The following CNTFR variants were observed in gnomAD, a reference collection of about 807,000 sequenced individuals.
CNTFR encodes the protein ciliary neurotrophic factor receptor subunit alpha.
A neutral mutation model predicts 40.4 loss-of-function variants in CNTFR; 12 were observed. That is an observed-to-expected ratio of 0.30 (90% CI 0.19 to 0.48). The LOEUF (loss-of-function observed/expected upper bound fraction) is 0.48, where lower values mean the gene tolerates loss of function less well. Ranked by LOEUF, CNTFR falls within the 20% of genes least tolerant of loss-of-function variation. The pLI, the probability that CNTFR is intolerant of heterozygous loss-of-function variation, is 0.99. For missense variants in CNTFR, 414 were observed against 506.8 expected, an observed-to-expected ratio of 0.82 and a Z score of 1.76; for synonymous variants, 202 against 209.6, an observed-to-expected ratio of 0.96 and a Z score of 0.31.
chr9:34,588,782 G>A (rs1827652689), intron 1 of CNTFR, among the ~76,000 whole-genome samples: 1 of 152,176 alleles, frequency 6.6e-6, no homozygotes, highest in African/African-American at 2.4e-5. Context: ...AGGGAGAGCT[G>A]TCCGTCTGGT....
intron 1 of CNTFR, among the ~76,000 whole-genome samples, chr9:34,587,421 CTGAG>C (rs1410904390): frequency 6.6e-6 from 1 of 152,086 alleles, no homozygotes; most frequent in African/African-American, 2.4e-5. Flanking sequence ...CAATATGAAT[CTGAG>C]TGAGTCACAG....
At position 34,551,691 on chromosome 9, in the gene CNTFR, G is replaced by A. The variant is rs1564054254; in HGVS notation, c.*380C>T. On this transcript the variant is annotated 3_prime_UTR_variant, in exon 10 of 10. Coordinates refer to ENST00000378980, the MANE Select transcript of CNTFR (RefSeq NM_147164.3). ...CATCAGGAGCTTATAATCTGATGGT[G>A]GCAACAGAGACCCTGGGATAGACAG... The A allele has an allele frequency of 3.2e-5, 13 of 412,464 alleles. No homozygotes were observed. Among genetic ancestry groups the A allele is most frequent in the Non-Finnish European group, 2.7e-5 (6 of 222,464 alleles). 25.6% of individuals were successfully genotyped at this position (412,464 alleles called of 1,614,324 possible). A position where few individuals can be genotyped will look rare whatever the true frequency, so the allele number is the denominator to read the frequency against.
intron 4 of CNTFR, 127 bp downstream of exon 4, chr9:34,564,472 G>C: frequency 1.1e-6 from 1 of 902,030 alleles, no homozygotes; most frequent in Non-Finnish European, 1.7e-6. Flanking sequence ...CAAAATCAGA[G>C]GGCAAGGGTC....
chr9:34,571,561 T>TACAC (rs145378339), intron 2 of CNTFR: 3,138 of 148,568 alleles, frequency 0.021, 44 homozygotes, highest in African/African-American at 0.034. Context: ...CGCGTGCGCA[T>TACAC]ACACACACAC....
At chr9:34,590,548 C>A (rs1827734077), upstream of CNTFR, among the ~76,000 whole-genome samples, 1 of 152,370 alleles carries the variant, frequency 6.6e-6, no homozygotes, top group Admixed American at 6.5e-5. Flanking sequence ...CTGCCGGGAG[C>A]CCAGGCCCAT....
At chr9:34,580,649 T>C (rs973780465) in intron 2 of CNTFR, among the ~76,000 whole-genome samples, 1 of 152,160 alleles carries the variant, frequency 6.6e-6, no homozygotes, top group Non-Finnish European at 1.5e-5. Context: ...CTGGCCTGAA[T>C]GAGAGACAGG....
intron 2 of CNTFR, among the ~76,000 whole-genome samples, chr9:34,573,442 C>G (rs1826781586): frequency 6.6e-6 from 1 of 152,148 alleles, no homozygotes. Context: ...CTCAGTCTGG[C>G]CTGGACAATG....
chr9:34,590,022 G>C (rs1827712827), upstream of CNTFR: 1 of 151,528 alleles, frequency 6.6e-6, no homozygotes, highest in African/African-American at 2.4e-5. Context: ...ACTGGCACGC[G>C]CTCTGCCCCC....
intron 2 of CNTFR, among the ~76,000 whole-genome samples, chr9:34,580,371 C>T (rs1827223223): frequency 6.6e-6 from 1 of 152,172 alleles, no homozygotes; most frequent in Non-Finnish European, 1.5e-5. Context: ...CTCTCCTGGG[C>T]CCCAGCTCCA....
At chr9:34,579,212 G>A (rs1827161469) in intron 2 of CNTFR, among the ~76,000 whole-genome samples, 1 of 152,118 alleles carries the variant, frequency 6.6e-6, no homozygotes, top group Non-Finnish European at 1.5e-5. Context: ...GCTCAAAAGG[G>A]GCTGGAACGG....
intron 2 of CNTFR, 65 bp from the exon 3 acceptor site, chr9:34,569,046 C>G: frequency 7.0e-7 from 1 of 1,437,542 alleles, no homozygotes; most frequent in Non-Finnish European, 9.5e-7. Flanking sequence ...TCCTGGGGAG[C>G]CCCTCCTGTT....
rs1825679766 is a variant in CNTFR at position 34,552,570 on chromosome 9, C to T, written c.949+104G>A. ...ACAGACAGGCAGAAGTGTGGCTACC[C>T]CCGGGAGCAGAGGCTGGAGGCAGCA... On this transcript the variant is annotated intron_variant, in intron 8 of 9. Transcript: ENST00000378980. The surrounding 1 kb of genome is among the most constrained non-coding windows in gnomAD (Gnocchi z 5.1). The T allele has an allele frequency of 1.2e-5, 15 of 1,264,448 alleles. No homozygotes were observed. The South Asian group carries it at 1.6e-4, about 14-fold the overall frequency. 78.3% of individuals were successfully genotyped at this position (1,264,448 alleles called of 1,614,324 possible).
intron 3 of CNTFR, among the ~76,000 whole-genome samples, chr9:34,565,808 A>G (rs1198520400): frequency 1.3e-5 from 2 of 151,978 alleles, no homozygotes; most frequent in Non-Finnish European, 2.9e-5. Context: ...AGGCACACAG[A>G]GATAGGGAGA....
In CNTFR at chr9:34,557,707, G is replaced by A. The variant is rs1825905815; in HGVS notation, c.438-15C>T. The A allele has an allele frequency of 6.2e-7, 1 of 1,613,980 alleles. No homozygotes were observed. Among genetic ancestry groups the A allele is most frequent in the African/African-American group, 1.3e-5 (1 of 75,042 alleles). On this transcript the variant is annotated splice_polypyrimidine_tract_variant and intron_variant, in intron 5 of 9. Transcript: ENST00000378980. The surrounding 1 kb of genome is among the most constrained non-coding windows in gnomAD (Gnocchi z 4.2). ...TGGAGCCATGCCTGGGGAGAGGTGA[G>A]ACCCAGGCACTGTTACGAACATCAA...
chr9:34,570,278 G>T (rs1299095240), intron 2 of CNTFR, among the ~76,000 whole-genome samples: 5 of 152,152 alleles, frequency 3.3e-5, no homozygotes, highest in African/African-American at 4.8e-5. Context: ...ATCAGACAAA[G>T]CCAAAGAGAC....
intron 2 of CNTFR, among the ~76,000 whole-genome samples, chr9:34,570,473 A>G (rs558022436): frequency 6.6e-6 from 1 of 152,342 alleles, no homozygotes; most frequent in South Asian, 2.1e-4. Context: ...ACACTGTCAG[A>G]AACAGTGCCA....
intron 4 of CNTFR, among the ~76,000 whole-genome samples, chr9:34,564,337 G>A (rs1433555209): frequency 6.6e-6 from 1 of 152,212 alleles, no homozygotes; most frequent in Non-Finnish European, 1.5e-5. Context: ...TGCCTATGTT[G>A]TCAGAGGGAA....
intron 1 of CNTFR, among the ~76,000 whole-genome samples, chr9:34,588,974 C>T (rs980487678): frequency 3.9e-5 from 6 of 152,206 alleles, no homozygotes; most frequent in Non-Finnish European, 8.8e-5. Flanking sequence ...TACAAAGAGA[C>T]ACACTGGAGG....
chr9:34,560,069 T>C (rs1826008303), intron 4 of CNTFR, among the ~76,000 whole-genome samples: 3 of 152,160 alleles, frequency 2.0e-5, no homozygotes, highest in Non-Finnish European at 4.4e-5. Flanking sequence ...GGGAAGGGCT[T>C]GGGTTTCCTG....
Sources: gnomAD v4.1 joint callset for allele counts (sites outside exome capture counted in the v4.1 genomes callset) on GRCh38, gnomAD v4.1.1 for gene constraint, Gnocchi (gnomAD v3.1) non-coding constraint, MANE v1.5 for transcripts, NCBI Gene and HGNC (gene_info 2026-07-23, HGNC 2026-07-21) for gene names.